The following GRN variants were observed in gnomAD, a reference collection of about 807,000 sequenced individuals.
GRN encodes the protein progranulin.
GRN carries 30 observed loss-of-function variants against 66.7 expected under a neutral mutation model. The ratio of observed to expected loss-of-function variants is 0.45; its 90% CI spans 0.34 to 0.61. The LOEUF is 0.61. GRN is among the 20% of genes least tolerant of loss of function. GRN has a pLI of 0.01. For synonymous variants in GRN, 327 were observed against 311.1 expected, an observed-to-expected ratio of 1.05 and a Z score of -0.54; for missense variants, 731 against 803.5, an observed-to-expected ratio of 0.91 and a Z score of 1.09.
Position 44,350,766 on chromosome 17 carries a change from C to G in GRN, c.674C>G (p.Pro225Arg). The G allele has an allele frequency of 6.2e-7, 1 of 1,613,742 alleles. No homozygotes were observed. Among genetic ancestry groups the G allele is most frequent in the Non-Finnish European group, 8.5e-7 (1 of 1,179,652 alleles). The part of the protein sequence containing the change: ...CPDGSTCCEL[P>R]SGKYGCCPMP... ...GATGGTTCTACCTGCTGTGAGCTGC[C>G]CAGTGGGAAGTATGGCTGCTGCCCA... The change falls in exon 7 of 13, where the codon CCC becomes CGC. Residue 225 changes from proline (P) to arginine (R), a missense_variant. By Grantham distance (103) the Pro-to-Arg change is moderately radical. Transcript: ENST00000053867.
In GRN at chr17:44,351,096, C is replaced by A; in HGVS notation, c.768C>A (p.Ile256=). The A allele has an allele frequency of 6.2e-7, 1 of 1,614,002 alleles. No individual in the cohort carries two copies. Among genetic ancestry groups the A allele is most frequent in the Non-Finnish European group, 8.5e-7 (1 of 1,179,890 alleles). ...CCCAAGACACTGTGTGTGACCTGAT[C>A]CAGAGTAAGTGCCTCTCCAAGGAGA... ...CCPQDTVCDL[I]QSKCLSKENA... is the part of the protein sequence containing the mutation. Residue 256 remains isoleucine, a synonymous_variant, in exon 8 of 13, where the codon ATC becomes ATA. Transcript: ENST00000053867.
Position 44,347,129 on chromosome 17 carries a change from GAAAA to G in GRN, c.-8+1797_-8+1800del, listed in dbSNP as rs545954577. ...AGGACTCCATCTCAAAAAAAAAAGA[GAAAA>G]AGAAAAAGAAATGCCATGTAAATAG... is the stretch of plus-strand genomic sequence containing the variant. On this transcript the variant is annotated intron_variant, in intron 1 of 12. Transcript: ENST00000053867. 2.5e-3 allele frequency among the ~76,000 whole-genome samples: 377 copies of G among 151,244 alleles called. 1 individual carries two copies. The highest frequency in any genetic ancestry group is 8.4e-3 in the African/African-American group (344 of 41,134).
Position 44,349,541 on chromosome 17 carries a change from C to G in GRN, c.254C>G (p.Pro85Arg), listed in dbSNP as rs1275075189. ...GTCTCAGGGACTTCCAGTTGCTGCC[C>G]CTTCCCAGAGGTGAGCGTGCCATCA... ...FTVSGTSSCC[P>R]FPEAVACGDG... Residue 85 changes from proline (P) to arginine (R), a missense_variant, in exon 3 of 13, where the codon CCC becomes CGC. Coordinates refer to ENST00000053867, the MANE Select transcript of GRN (RefSeq NM_002087.4). 1 of 1,614,194 alleles carries G rather than the reference C, an allele frequency of 6.2e-7. No individual in the cohort carries two copies. The highest frequency in any genetic ancestry group is 1.1e-5 in the South Asian group (1 of 91,088).
chr17:44,349,603 T>A, intron 3 of GRN, 52 bp downstream of exon 3: 1 of 1,612,984 alleles, frequency 6.2e-7, no homozygotes, highest in Non-Finnish European at 8.5e-7. Flanking sequence ...TTTATGCTTT[T>A]CCTGCACTCT....
In GRN at chr17:44,352,198, A is replaced by C. The variant is rs1339037778; in HGVS notation, c.1363A>C (p.Thr455Pro). Residue 455 changes from threonine (T) to proline (P), a missense_variant, in exon 11 of 13, where the codon ACC becomes CCC. Physicochemically the swap from Thr to Pro is conservative, Grantham distance 38 (BLOSUM62 -1). Coordinates refer to ENST00000053867, the MANE Select transcript of GRN (RefSeq NM_002087.4). ...DQHTSCPVGQ[T>P]CCPSLGGSWA... is the part of the protein sequence containing the mutation. Reference sequence around the variant, plus strand: ...GCACACCAGCTGCCCGGTGGGGCAGACCTGCTGCCCGAGCCTGGGTGGGAG... The same window carrying C: ...GCACACCAGCTGCCCGGTGGGGCAGCCCTGCTGCCCGAGCCTGGGTGGGAG... 6.2e-7 allele frequency: 1 copy of C among 1,613,258 alleles called. No individual in the cohort carries two copies. The highest frequency in any genetic ancestry group is 1.1e-5 in the South Asian group (1 of 91,080).
Position 44,352,364 on chromosome 17 carries a change from G to C in GRN, c.1437G>C (p.Gln479His). 6.2e-7 allele frequency: 1 copy of C among 1,613,606 alleles called. No individual in the cohort carries two copies. The highest frequency in any genetic ancestry group is 1.6e-4 in the Middle Eastern group (1 of 6,062). Reference protein sequence around the residue: ...LPHAVCCEDRQHCCPAGYTCN... With the variant: ...LPHAVCCEDRHHCCPAGYTCN... Reference sequence around the variant, plus strand: ...AGGCTGTGTGCTGCGAGGATCGCCAGCACTGCTGCCCGGCTGGCTACACCT... The same window carrying C: ...AGGCTGTGTGCTGCGAGGATCGCCACCACTGCTGCCCGGCTGGCTACACCT... Residue 479 changes from glutamine to histidine, a missense_variant, in exon 12 of 13, where the codon CAG becomes CAC. Physicochemically the swap from Gln to His is conservative, Grantham distance 24 (BLOSUM62 0). This residue lies in a region of GRN where 319 missense variants were observed against 347.2 expected (regional missense o/e 0.92). Transcript: ENST00000053867.
At chr17:44,347,116 CA>C (rs58507117) in intron 1 of GRN, among the ~76,000 whole-genome samples, 7 of 145,744 alleles carry the variant, frequency 4.8e-5, no homozygotes, top group Non-Finnish European at 3.0e-5. Flanking sequence ...GACTCCATCT[CA>C]AAAAAAAAAG....
chr17:44,350,420 A>C (rs1274233931), intron 5 of GRN, 22 bp from the exon 6 acceptor site: 2 of 1,613,704 alleles, frequency 1.2e-6, no homozygotes, highest in Non-Finnish European at 1.7e-6. Context: ...GTGAAGACGG[A>C]GTCAGGACCA....
intron 1 of GRN, among the ~76,000 whole-genome samples, chr17:44,348,045 G>T (rs2048338481): frequency 6.6e-6 from 1 of 151,878 alleles, no homozygotes; most frequent in Middle Eastern, 3.2e-3. Flanking sequence ...AGTCCAGCCT[G>T]GGCAACATGG....
Position 44,350,784 on chromosome 17 carries a change from G to A in GRN, c.692G>A (p.Cys231Tyr). The A allele has an allele frequency of 6.2e-7, 1 of 1,611,326 alleles. No individual in the cohort carries two copies. The highest frequency in any genetic ancestry group is 8.5e-7 in the Non-Finnish European group (1 of 1,177,500). ...CCELPSGKYG[C>Y]CPMPNATCCS... ...GAGCTGCCCAGTGGGAAGTATGGCT[G>A]CTGCCCAATGCCCAACGTGAGTGAG... The change falls in exon 7 of 13, where the codon TGC becomes TAC. Residue 231 changes from cysteine (C) to tyrosine (Y), a missense_variant. By Grantham distance (194) the Cys-to-Tyr change is radical. Coordinates refer to ENST00000053867, the MANE Select transcript of GRN (RefSeq NM_002087.4).
At position 44,352,892 on chromosome 17, in the gene GRN, C is replaced by T; in HGVS notation, c.*94C>T. The T allele has an allele frequency of 8.3e-7, 1 of 1,208,472 alleles. No homozygotes were observed. The highest frequency in any genetic ancestry group is 1.2e-6 in the Non-Finnish European group (1 of 839,738). The allele number at this position is 1,208,472 out of a possible 1,614,324, so 74.9% of individuals were successfully genotyped here. ...TAGCACCTCCCCCTAACCAAATTCT[C>T]CCTGGACCCCATTCTGAGCTCCCCA... On this transcript the variant is annotated 3_prime_UTR_variant, in exon 13 of 13. Transcript: ENST00000053867.
chr17:44,346,395 GAGATTT>G (rs1223929498), intron 1 of GRN, among the ~76,000 whole-genome samples: 2 of 152,186 alleles, frequency 1.3e-5, no homozygotes, highest in African/African-American at 4.8e-5. Flanking sequence ...CTGGGTGGGT[GAGATTT>G]CCTGCCCCTC....
rs78403836 is a variant in GRN, at chr17:44,348,838, C to G, written c.-7-320C>G. Among the ~76,000 whole-genome samples the G allele has an allele frequency of 0.051, 7,751 of 152,334 alleles. 276 individuals are homozygous for G. The highest frequency in any genetic ancestry group is 0.063 in the Non-Finnish European group (4,262 of 68,032). ...GCACAGATCAGACCCACAAAAATCA[C>G]GTCTTCCTGACTCTCATAAGCCTGC... On this transcript the variant is annotated intron_variant, in intron 1 of 12. Transcript: ENST00000053867.
At position 44,352,720 on chromosome 17, in the gene GRN, G is replaced by A. The variant is rs1275612479; in HGVS notation, c.1704G>A (p.Arg568=). 6.2e-7 allele frequency: 1 copy of A among 1,611,300 alleles called. No homozygotes were observed. Residue 568 remains arginine (R), a synonymous_variant, in exon 13 of 13, where the codon AGG becomes AGA. Coordinates refer to ENST00000053867, the MANE Select transcript of GRN (RefSeq NM_002087.4). ...CTGCTGGCTTCCGCTGCGCAGCCAG[G>A]GGTACCAAGTGTTTGCGCAGGGAGG... The part of the protein sequence containing the change: ...CCPAGFRCAA[R]GTKCLRREAP...
Position 44,350,520 on chromosome 17 carries a change from C to A in GRN, c.541C>A (p.Pro181Thr). 2 of 1,613,982 alleles carry A rather than the reference C, an allele frequency of 1.2e-6. No homozygotes were observed. Among genetic ancestry groups the A allele is most frequent in the Non-Finnish European group, 1.7e-6 (2 of 1,179,920 alleles). Residue 181 changes from proline (P) to threonine (T), a missense_variant, in exon 6 of 13, where the codon CCC becomes ACC. By Grantham distance (38) the Pro-to-Thr change is conservative. Around this residue, in one of 3 missense-constraint regions of GRN, gnomAD observed 370 missense variants for 379.8 expected, o/e 0.97. Transcript: ENST00000053867. ...CDLVHTRCIT[P>T]TGTHPLAKKL... ...CCTGGTTCACACCCGCTGCATCACA[C>A]CCACGGGCACCCACCCCCTGGCAAA...
chr17:44,350,931 G>C, intron 7 of GRN, 106 bp from the exon 8 acceptor site: 1 of 1,422,914 alleles, frequency 7.0e-7, no homozygotes, highest in East Asian at 2.3e-5. Context: ...CAGGGTTCAT[G>C]CTACCCCCTA....
intron 4 of GRN, 75 bp downstream of exon 4, chr17:44,349,826 G>T: frequency 1.0e-6 from 1 of 1,003,768 alleles, no homozygotes; most frequent in South Asian, 1.3e-5. Flanking sequence ...CCCAGCTGGC[G>T]GGGGCAGCCC....
chr17:44,350,925 G>A (rs1403716342), intron 7 of GRN, 112 bp from the exon 8 acceptor site: 1 of 1,428,344 alleles, frequency 7.0e-7, no homozygotes, highest in Non-Finnish European at 9.8e-7. Flanking sequence ...CTGATGCAGG[G>A]TTCATGCTAC....
Position 44,352,555 on chromosome 17 carries a change from G to A in GRN, c.1628G>A (p.Cys543Tyr), listed in dbSNP as rs759046712. 11 of 1,613,450 alleles carry A rather than the reference G, an allele frequency of 6.8e-6. No homozygotes were observed. The South Asian group carries it at 1.2e-4, about 18-fold the overall frequency. Residue 543 changes from cysteine (C) to tyrosine (Y), a missense_variant, in exon 12 of 13, where the codon TGC (cysteine) becomes TAC (tyrosine). Around this residue, in one of 3 missense-constraint regions of GRN, gnomAD observed 319 missense variants for 347.2 expected, o/e 0.92. Transcript: ENST00000053867. ...CGAGACAACCGACAGGGCTGGGCCT[G>A]CTGTCCCTACCGCCAGGTCAGTGCC... is the stretch of plus-strand genomic sequence containing the variant. ...CCRDNRQGWA[C>Y]CPYRQGVCCA...
Sources: allele counts gnomAD v4.1 joint callset (sites outside exome capture counted in the v4.1 genomes callset), GRCh38; gene constraint gnomAD v4.1.1; regional missense constraint gnomAD v4.1.1; transcripts MANE v1.5; gene names NCBI Gene and HGNC (gene_info 2026-07-23, HGNC 2026-07-21).